The following CCSER1 variants were observed in gnomAD, a reference collection of about 807,000 sequenced individuals.
CCSER1 encodes coiled-coil serine rich protein 1.
A neutral mutation model predicts 82.0 loss-of-function variants in CCSER1; 41 were observed. That is an observed-to-expected ratio of 0.50 (90% CI 0.39 to 0.65). The LOEUF is 0.65. Ranked by LOEUF, CCSER1 falls within the 30% of genes least tolerant of loss-of-function variation. CCSER1 has a pLI of 0.00. For missense variants in CCSER1, 1,119 were observed against 1,064.2 expected (o/e 1.05, Z -0.72); for synonymous variants, 414 against 383.9 (o/e 1.08, Z -0.92).
At chr4:90,321,112 T>C (rs1447955434) in intron 3 of CCSER1, among the ~76,000 whole-genome samples, 1 of 152,144 alleles carries the variant, frequency 6.6e-6, no homozygotes, top group East Asian at 1.9e-4. Context: ...ATACAATAAA[T>C]AATTTTTTCA....
intron 9 of CCSER1, among the ~76,000 whole-genome samples, chr4:91,028,257 A>T (rs1252552619): frequency 6.6e-6 from 1 of 152,004 alleles, no homozygotes; most frequent in Non-Finnish European, 1.5e-5. Flanking sequence ...TATACTTATC[A>T]GAATGGAGTG....
chr4:91,192,422 T>C (rs993307571), intron 10 of CCSER1, among the ~76,000 whole-genome samples: 2 of 152,206 alleles, frequency 1.3e-5, no homozygotes, highest in African/African-American at 2.4e-5. Context: ...ACTCTGTCGA[T>C]TGAATGTACC....
chr4:90,147,815 A>C (rs1194737132), intron 1 of CCSER1, among the ~76,000 whole-genome samples: 1 of 152,230 alleles, frequency 6.6e-6, no homozygotes, highest in Non-Finnish European at 1.5e-5. Context: ...TGTAGGTTAG[A>C]ATGTGATTGT....
chr4:90,887,365 TCA>T (rs1426491885), intron 8 of CCSER1, among the ~76,000 whole-genome samples: 1 of 152,200 alleles, frequency 6.6e-6, no homozygotes, highest in Admixed American at 6.5e-5. Context: ...GCCTACCTTC[TCA>T]CCATGTGCAA....
At chr4:90,507,923 T>C (rs891080028) in intron 5 of CCSER1, among the ~76,000 whole-genome samples, 10 of 151,890 alleles carry the variant, frequency 6.6e-5, no homozygotes, top group African/African-American at 2.4e-4. Flanking sequence ...TATAGATATT[T>C]TATATTTTAT....
At position 91,143,150 on chromosome 4, in the gene CCSER1, T is replaced by C. The variant is rs114640141; in HGVS notation, c.2217+57156T>C. Among the ~76,000 whole-genome samples, 1,137 of 152,254 alleles carry C rather than the reference T, an allele frequency of 7.5e-3. 18 individuals carry two copies. Among genetic ancestry groups the C allele is most frequent in the African/African-American group, 0.026 (1,091 of 41,538 alleles). On this transcript the variant is annotated intron_variant, in intron 10 of 10. Coordinates refer to ENST00000509176, the MANE Select transcript of CCSER1 (RefSeq NM_001145065.2). ...TTTCATTTGTTTATGTCATCACTGA[T>C]CTCTTTCAGCAGTTTTTTGTAGTTT...
intron 1 of CCSER1, among the ~76,000 whole-genome samples, chr4:90,224,036 T>A (rs553896633): frequency 6.6e-6 from 1 of 152,352 alleles, no homozygotes; most frequent in Non-Finnish European, 1.5e-5. Context: ...CTAATGTAAG[T>A]GCATATTGCC....
chr4:90,892,084 G>A (rs1206827713), intron 8 of CCSER1, among the ~76,000 whole-genome samples: 1 of 151,904 alleles, frequency 6.6e-6, no homozygotes, highest in Non-Finnish European at 1.5e-5. Context: ...ATAAAAATTT[G>A]TTTTTTATCT....
chr4:91,535,609 T>G (rs1469680752), intron 10 of CCSER1, among the ~76,000 whole-genome samples: 1 of 152,112 alleles, frequency 6.6e-6, no homozygotes, highest in Non-Finnish European at 1.5e-5. Context: ...TTTCTGTTTA[T>G]TCCTATATAT....
intron 5 of CCSER1, among the ~76,000 whole-genome samples, chr4:90,510,815 ACT>A (rs979143199): frequency 6.6e-6 from 1 of 152,072 alleles, no homozygotes; most frequent in African/African-American, 2.4e-5. Context: ...GTAGAAAAAG[ACT>A]CTGGGCCTTC....
intron 8 of CCSER1, among the ~76,000 whole-genome samples, chr4:90,853,135 G>C (rs1438177001): frequency 3.9e-5 from 6 of 152,034 alleles, no homozygotes; most frequent in Non-Finnish European, 7.4e-5. Flanking sequence ...AAGATGTAGA[G>C]TCCTTCTTCT....
chr4:90,378,652 A>G (rs1437576391), intron 3 of CCSER1, among the ~76,000 whole-genome samples: 1 of 152,208 alleles, frequency 6.6e-6, no homozygotes, highest in Non-Finnish European at 1.5e-5. Context: ...AAATATGCCT[A>G]AGACAATGTA....
At chr4:90,689,260 ATAAC>A (rs948766523) in intron 6 of CCSER1, among the ~76,000 whole-genome samples, 8 of 152,064 alleles carry the variant, frequency 5.3e-5, no homozygotes, top group African/African-American at 1.9e-4. Context: ...CTCTCTGGGG[ATAAC>A]TAAGCAAATT....
chr4:90,648,340 A>AGAAAGAAAGAAAGAAAGAAAGAAG (rs1553969835), intron 6 of CCSER1, among the ~76,000 whole-genome samples: 2 of 151,256 alleles, frequency 1.3e-5, no homozygotes, highest in East Asian at 3.9e-4. Flanking sequence ...AAAGAAAGAA[A>AGAAAGAAAGAAAGAAAGAAAGAAG]GAGAGTTGCC....
chr4:91,556,546 C>A (rs559770392), intron 10 of CCSER1, among the ~76,000 whole-genome samples: 1 of 150,478 alleles, frequency 6.6e-6, no homozygotes, highest in East Asian at 1.9e-4. Context: ...TTAAAAAAAA[C>A]CTTTGAATGA....
At chr4:90,375,597 G>T (rs902328541) in intron 3 of CCSER1, among the ~76,000 whole-genome samples, 2 of 152,232 alleles carry the variant, frequency 1.3e-5, no homozygotes, top group African/African-American at 2.4e-5. Context: ...TTAACTGAAT[G>T]CTGGGTCCTC....
chr4:90,657,396 G>T (rs1729892030), intron 6 of CCSER1, among the ~76,000 whole-genome samples: 1 of 151,866 alleles, frequency 6.6e-6, no homozygotes, highest in African/African-American at 2.4e-5. Context: ...TTATTTGTTT[G>T]CTGTTTATGT....
At chr4:90,905,012 G>A (rs1725247526) in intron 8 of CCSER1, among the ~76,000 whole-genome samples, 1 of 152,026 alleles carries the variant, frequency 6.6e-6, no homozygotes, top group South Asian at 2.1e-4. Context: ...AGAAACTTGG[G>A]AGTTGTTCTT....
chr4:91,413,964 GA>G (rs2149375357), intron 10 of CCSER1, among the ~76,000 whole-genome samples: 1 of 152,176 alleles, frequency 6.6e-6, no homozygotes, highest in Non-Finnish European at 1.5e-5. Context: ...CATACGTGAA[GA>G]AAAGATAAAG....
Sources: gnomAD v4.1 joint callset for allele counts (sites outside exome capture counted in the v4.1 genomes callset) on GRCh38, gnomAD v4.1.1 for gene constraint, MANE v1.5 for transcripts, NCBI Gene and HGNC (gene_info 2026-07-23, HGNC 2026-07-21) for gene names.